The following COL28A1 variants were observed in gnomAD, a reference collection of about 807,000 sequenced individuals.
COL28A1 encodes the protein collagen alpha-1(XXVIII) chain.
In COL28A1, 161 loss-of-function variants were observed where a neutral mutation model predicts 150.2. That is an observed-to-expected ratio of 1.07 (90% CI 0.94 to 1.22). COL28A1 has a LOEUF of 1.22. COL28A1 is among the 50% of genes most tolerant of loss of function. The pLI, the probability that COL28A1 is intolerant of heterozygous loss-of-function variation, is 0.00. For missense variants in COL28A1, 1,617 were observed against 1,388.3 expected (o/e 1.16, Z -2.62); for synonymous variants, 552 against 469.7 (o/e 1.18, Z -2.26).
At chr7:7,534,895 T>G (rs1782562108) in intron 1 of COL28A1, among the ~76,000 whole-genome samples, 1 of 152,148 alleles carries the variant, frequency 6.6e-6, no homozygotes. Flanking sequence ...GTTTCCCTAT[T>G]GTAGCCAGAG....
intron 25 of COL28A1, among the ~76,000 whole-genome samples, chr7:7,422,830 G>T (rs1483706111): frequency 1.3e-5 from 2 of 152,112 alleles, no homozygotes; most frequent in Non-Finnish European, 2.9e-5. Flanking sequence ...AGTAATAGAC[G>T]GAAGAGGGAG....
chr7:7,394,678 C>A (rs1417063883), intron 27 of COL28A1, among the ~76,000 whole-genome samples: 4 of 151,758 alleles, frequency 2.6e-5, no homozygotes, highest in African/African-American at 7.3e-5. Context: ...TGGTTATCTA[C>A]CCCGAGACTG....
intron 25 of COL28A1, 128 bp from the exon 26 acceptor site, chr7:7,420,081 G>A (rs1784315934): frequency 2.1e-6 from 1 of 476,474 alleles, no homozygotes; most frequent in Non-Finnish European, 3.6e-6. Flanking sequence ...TCTTCTCCTA[G>A]ATCACTTTTC....
intron 6 of COL28A1, 72 bp downstream of exon 6, chr7:7,519,990 A>T (rs1399430381): frequency 2.5e-6 from 2 of 796,768 alleles, no homozygotes; most frequent in African/African-American, 1.8e-5. Context: ...TTTTATTTTT[A>T]AAATTGTTGT....
chr7:7,456,228 C>A, intron 15 of COL28A1, 116 bp from the exon 16 acceptor site: 2 of 1,311,656 alleles, frequency 1.5e-6, no homozygotes, highest in South Asian at 3.8e-5. Flanking sequence ...AAAAAAAATT[C>A]AACATGGAAA....
At chr7:7,459,268 A>C (rs58537294) in intron 15 of COL28A1, among the ~76,000 whole-genome samples, 3,611 of 152,340 alleles carry the variant, frequency 0.024, 141 homozygotes, top group African/African-American at 0.082. Context: ...CCAAAGGAAG[A>C]AAGAGCAACT....
chr7:7,374,465 G>A (rs1002940776), intron 31 of COL28A1, among the ~76,000 whole-genome samples: 6 of 152,176 alleles, frequency 3.9e-5, no homozygotes, highest in East Asian at 1.9e-4. Context: ...CAGCTTTCAC[G>A]TTATCAAGGA....
At chr7:7,430,956 T>C (rs959442350) in intron 25 of COL28A1, among the ~76,000 whole-genome samples, 1 of 152,186 alleles carries the variant, frequency 6.6e-6, no homozygotes. Flanking sequence ...TCCAGATACA[T>C]CCTCATTGGA....
rs537349160 is a variant in COL28A1 at position 7,370,895 on chromosome 7, A to T, written c.2909-13T>A. 2 of 1,567,688 alleles carry T rather than the reference A, an allele frequency of 1.3e-6. No individual in the cohort carries two copies. The highest frequency in any genetic ancestry group is 2.7e-5 in the African/African-American group (2 of 73,756). On this transcript the variant is annotated splice_polypyrimidine_tract_variant and intron_variant, in intron 32 of 34. Transcript: ENST00000399429. ...TGCTTCAGGGTGTCTTTTAAAAAAG[A>T]AGTAGAAAAGAGAGATAGTAGAAGC...
chr7:7,437,365 A>G (rs1785418382), intron 22 of COL28A1, 29 bp downstream of exon 22: 2 of 1,591,982 alleles, frequency 1.3e-6, no homozygotes, highest in Middle Eastern at 1.7e-4. Flanking sequence ...AGGGTCAAGA[A>G]AAAGAAAATA....
At chr7:7,450,203 G>A (rs896369684) in intron 18 of COL28A1, among the ~76,000 whole-genome samples, 8 of 151,980 alleles carry the variant, frequency 5.3e-5, no homozygotes, top group Non-Finnish European at 1.0e-4. Flanking sequence ...TGATTCTGGG[G>A]TACTTGTTTA....
intron 27 of COL28A1, among the ~76,000 whole-genome samples, chr7:7,410,509 G>C (rs1296103): frequency 0.098 from 14,878 of 152,160 alleles, 894 homozygotes; most frequent in Middle Eastern, 0.21. Flanking sequence ...AATTCAAAGA[G>C]AGTTTCTGGT....
chr7:7,479,783 C>T (rs1014228320), intron 13 of COL28A1, among the ~76,000 whole-genome samples: 1 of 152,118 alleles, frequency 6.6e-6, no homozygotes, highest in African/African-American at 2.4e-5. Context: ...TTGAAATGGA[C>T]TTGCAGAAAA....
intron 34 of COL28A1, among the ~76,000 whole-genome samples, chr7:7,359,885 G>A (rs80125888): frequency 0.019 from 2,966 of 152,136 alleles, 77 homozygotes; most frequent in African/African-American, 0.061. Flanking sequence ...AAACTTTTGA[G>A]CACAAAAATT....
chr7:7,535,102 G>A (rs913476199), intron 1 of COL28A1, among the ~76,000 whole-genome samples: 2 of 151,918 alleles, frequency 1.3e-5, no homozygotes, highest in African/African-American at 4.8e-5. Context: ...AAGCAAAATA[G>A]GTTTCAGAGG....
intron 15 of COL28A1, among the ~76,000 whole-genome samples, chr7:7,471,546 G>T (rs1788430887): frequency 1.3e-5 from 2 of 152,164 alleles, no homozygotes; most frequent in Non-Finnish European, 2.9e-5. Flanking sequence ...TCATAACAGG[G>T]ATGCAGGGAT....
chr7:7,442,676 TTTA>T (rs1220418256), intron 20 of COL28A1, among the ~76,000 whole-genome samples: 1 of 152,218 alleles, frequency 6.6e-6, no homozygotes, highest in Non-Finnish European at 1.5e-5. Context: ...GTATACAAAT[TTTA>T]TTTTTACTTG....
At chr7:7,449,105 G>A (rs937445440) in intron 18 of COL28A1, among the ~76,000 whole-genome samples, 3 of 152,018 alleles carry the variant, frequency 2.0e-5, no homozygotes, top group Admixed American at 6.6e-5. Flanking sequence ...CTTTAAACAT[G>A]TGCATTTATT....
chr7:7,394,590 T>G (rs1484360610), intron 27 of COL28A1, among the ~76,000 whole-genome samples: 1 of 152,214 alleles, frequency 6.6e-6, no homozygotes, highest in Non-Finnish European at 1.5e-5. Flanking sequence ...CAGGATGCTA[T>G]AGCTATGGAG....
Sources: allele counts gnomAD v4.1 joint callset (sites outside exome capture counted in the v4.1 genomes callset), GRCh38; gene constraint gnomAD v4.1.1; transcripts MANE v1.5; gene names NCBI Gene and HGNC (gene_info 2026-07-23, HGNC 2026-07-21).